GALNT15: variants seen among roughly 807,000 people sequenced by gnomAD.
GALNT15 encodes the protein UDP-GalNAc transferase T15.
GALNT15 carries 67 observed loss-of-function variants against 66.8 expected under a neutral mutation model. The observed-to-expected ratio is 1.00, with a 90% confidence interval of 0.82 to 1.23. The LOEUF (loss-of-function observed/expected upper bound fraction) is 1.23, where lower values mean the gene tolerates loss of function less well. Among genes scored for constraint, GALNT15 ranks in the 50% most tolerant of loss-of-function variants. The pLI is 0.00. For synonymous variants in GALNT15, 313 were observed against 311.5 expected, an observed-to-expected ratio of 1.00 and a Z score of -0.05; for missense variants, 827 against 804.3, an observed-to-expected ratio of 1.03 and a Z score of -0.34.
intron 3 of GALNT15, among the ~76,000 whole-genome samples, chr3:16,202,408 G>A (rs544168792): frequency 3.3e-5 from 5 of 152,264 alleles, no homozygotes; most frequent in South Asian, 2.1e-4. Context: ...CGAGGCAGAC[G>A]GATCACCTGA....
rs947102132 is a variant in GALNT15, at chr3:16,204,928, T to G, written c.912-3575T>G. ...GTGTAAGCATGTGAGAGTCTGAGTG[T>G]GGGGGGGAGCGAGCATGTGCGTGCG... On this transcript the variant is annotated intron_variant, in intron 3 of 9. Transcript: ENST00000339732. This position sits in a 1 kb window ranked among gnomAD's most constrained non-coding sequence, Gnocchi z 4.5. Among the ~76,000 whole-genome samples, 2 of 152,014 alleles carry G rather than the reference T, an allele frequency of 1.3e-5. No individual in the cohort carries two copies. The highest frequency in any genetic ancestry group is 2.9e-5 in the Non-Finnish European group (2 of 67,986).
chr3:16,199,562 C>T lies in GALNT15; in HGVS notation c.707-1057C>T, dbSNP rs937785205. The stretch of plus-strand genomic sequence containing the variant: ...AAGCAGGGCCTGAGATGGAGATTCA[C>T]GTGCATTTGATTTTTTTGAGGGTGT... On this transcript the variant is annotated intron_variant, in intron 2 of 9. Coordinates refer to ENST00000339732, the MANE Select transcript of GALNT15 (RefSeq NM_054110.5). Among the ~76,000 whole-genome samples, 14 of 142,050 alleles carry T rather than the reference C, an allele frequency of 9.9e-5. 1 individual carries two copies. Among genetic ancestry groups the T allele is most frequent in the African/African-American group, 3.1e-4 (12 of 38,096 alleles). 93.2% of individuals were successfully genotyped at this position (142,050 alleles called of 152,430 possible).
At position 16,200,736 on chromosome 3, in the gene GALNT15, C is replaced by T. The variant is rs1390528147; in HGVS notation, c.824C>T (p.Thr275Ile). The change falls in exon 3 of 10, where the codon ACC becomes ATC. Residue 275 changes from threonine (T) to isoleucine (I), a missense_variant. Transcript: ENST00000339732. This position sits in a 1 kb window ranked among gnomAD's most constrained non-coding sequence, Gnocchi z 4.4. ...RARMLGATRA[T>I]GDVLVFMDAH... ...CGGATGCTGGGGGCCACCAGAGCCA[C>T]CGGGGATGTGCTCGTCTTCATGGAT... 2 of 1,612,900 alleles carry T rather than the reference C, an allele frequency of 1.2e-6. No individual in the cohort carries two copies. Among genetic ancestry groups the T allele is most frequent in the East Asian group, 4.5e-5 (2 of 44,706 alleles).
chr3:16,231,845 C>A (rs776812878), downstream of GALNT15: 41 of 1,536,402 alleles, frequency 2.7e-5, no homozygotes, highest in South Asian at 4.3e-4. This position sits in a 1 kb window ranked among gnomAD's most constrained non-coding sequence, Gnocchi z 4.1. Context: ...AGGCCTTTAA[C>A]TTTTCAGCAG....
downstream of GALNT15, among the ~76,000 whole-genome samples, chr3:16,233,094 C>CCTTTTTTTTTTTT (rs2064099645): frequency 1.6e-5 from 1 of 61,208 alleles, no homozygotes; most frequent in Non-Finnish European, 3.0e-5. Context: ...GATAATGCAT[C>CCTTTTTTTTTTTT]TTTTTTTTTT....
chr3:16,229,529 C>T lies in GALNT15; in HGVS notation c.*2029C>T. On this transcript the variant is annotated 3_prime_UTR_variant, in exon 10 of 10. Coordinates refer to ENST00000339732, the MANE Select transcript of GALNT15 (RefSeq NM_054110.5). The stretch of plus-strand genomic sequence containing the variant: ...GACTTTAGTCACTGTCTTCTTGCTT[C>T]AGACCCATCTATATTTAAAACAAAT... The T allele has an allele frequency of 1.0e-6, 1 of 984,958 alleles. No individual in the cohort carries two copies. Among genetic ancestry groups the T allele is most frequent in the Non-Finnish European group, 1.2e-6 (1 of 829,508 alleles). 61.0% of individuals were successfully genotyped at this position (984,958 alleles called of 1,614,324 possible).
At chr3:16,222,840 C>A (rs1348840959) in intron 9 of GALNT15, 82 bp downstream of exon 9, 2 of 1,495,990 alleles carry the variant, frequency 1.3e-6, no homozygotes, top group African/African-American at 1.4e-5. Context: ...TGGGCTCTTC[C>A]AAGAGGTCAG....
Position 16,219,541 on chromosome 3 carries a change from C to T in GALNT15, c.1524+7C>T. ...GCCCAGTTTCTCTGGAAAGGCAAGG[C>T]ATGACCCAGGGAAGATGGGGAGGGA... On this transcript the variant is annotated splice_region_variant and intron_variant, in intron 7 of 9. Coordinates refer to ENST00000339732, the MANE Select transcript of GALNT15 (RefSeq NM_054110.5). This position sits in a 1 kb window ranked among gnomAD's most constrained non-coding sequence, Gnocchi z 4.3. 6.2e-7 allele frequency: 1 copy of T among 1,613,902 alleles called. No individual in the cohort carries two copies. Among genetic ancestry groups the T allele is most frequent in the Non-Finnish European group, 8.5e-7 (1 of 1,179,908 alleles).
chr3:16,222,505 C>G, intron 8 of GALNT15, 110 bp from the exon 9 acceptor site: 2 of 1,314,606 alleles, frequency 1.5e-6, no homozygotes, highest in Non-Finnish European at 2.1e-6. Context: ...CCGATAGAAT[C>G]TGAAGATTGC....
In GALNT15 at chr3:16,211,379, G is replaced by C; in HGVS notation, c.1197+138G>C. The stretch of plus-strand genomic sequence containing the variant: ...AATTATAAAGTCATTCCTGTGTTGT[G>C]TGTCAAACCTCCCATTTCTCACAGT... On this transcript the variant is annotated intron_variant, in intron 5 of 9. Coordinates refer to ENST00000339732, the MANE Select transcript of GALNT15 (RefSeq NM_054110.5). The surrounding 1 kb of genome is among the most constrained non-coding windows in gnomAD (Gnocchi z 4.3). 1 of 607,622 alleles carries C rather than the reference G, an allele frequency of 1.6e-6. No individual in the cohort carries two copies. Among genetic ancestry groups the C allele is most frequent in the Non-Finnish European group, 3.0e-6 (1 of 338,332 alleles). 37.6% of individuals were successfully genotyped at this position (607,622 alleles called of 1,614,324 possible). A position where few individuals can be genotyped will look rare whatever the true frequency, so the allele number is the denominator to read the frequency against.
At position 16,200,732 on chromosome 3, in the gene GALNT15, G is replaced by A. The variant is rs777114326; in HGVS notation, c.820G>A (p.Ala274Thr). 1.9e-6 allele frequency: 3 copies of A among 1,612,616 alleles called. No individual in the cohort carries two copies. In the South Asian group the frequency reaches 3.3e-5, roughly 18 times the overall value. Residue 274 changes from alanine (A) to threonine (T), a missense_variant, in exon 3 of 10, where the codon GCC (alanine) becomes ACC (threonine). Physicochemically the swap from Ala to Thr is moderately conservative, Grantham distance 58. Transcript: ENST00000339732. This position sits in a 1 kb window ranked among gnomAD's most constrained non-coding sequence, Gnocchi z 4.4. ...GGCCCGGATGCTGGGGGCCACCAGA[G>A]CCACCGGGGATGTGCTCGTCTTCAT... ...IRARMLGATR[A>T]TGDVLVFMDA...
chr3:16,208,269 C>T (rs1211707794), intron 3 of GALNT15, among the ~76,000 whole-genome samples: 2 of 152,040 alleles, frequency 1.3e-5, no homozygotes, highest in Non-Finnish European at 2.9e-5. Flanking sequence ...AAAATATTAC[C>T]ATTTCAACAT....
rs1347820053 is a variant in GALNT15, at chr3:16,200,745, T to C, written c.833T>C (p.Val278Ala). ...MLGATRATGD[V>A]LVFMDAHCEC... is the part of the protein sequence containing the mutation. Reference sequence around the variant, plus strand: ...GGGGCCACCAGAGCCACCGGGGATGTGCTCGTCTTCATGGATGCCCACTGC... The same window carrying C: ...GGGGCCACCAGAGCCACCGGGGATGCGCTCGTCTTCATGGATGCCCACTGC... The change falls in exon 3 of 10, where the codon GTG becomes GCG. Residue 278 changes from valine (V) to alanine (A), a missense_variant. Coordinates refer to ENST00000339732, the MANE Select transcript of GALNT15 (RefSeq NM_054110.5). This position sits in a 1 kb window ranked among gnomAD's most constrained non-coding sequence, Gnocchi z 4.4. 6.2e-7 allele frequency: 1 copy of C among 1,613,048 alleles called. No individual in the cohort carries two copies. Among genetic ancestry groups the C allele is most frequent in the Admixed American group, 1.7e-5 (1 of 59,884 alleles).
chr3:16,232,378 C>A (rs1213262547), downstream of GALNT15, among the ~76,000 whole-genome samples: 2 of 148,810 alleles, frequency 1.3e-5, no homozygotes, highest in Admixed American at 1.4e-4. Context: ...TCAGGCTGAG[C>A]AACATAGTAA....
rs200199776 is a variant in GALNT15, at chr3:16,195,934, C to A, written c.706+8C>A. ...ACGACCTCAGCCAGCAAGGTAGCCA[C>A]GGCTTTCCTCCAGGCTCGTCTGGGT... On this transcript the variant is annotated splice_region_variant and intron_variant, in intron 2 of 9. Transcript: ENST00000339732. The surrounding 1 kb of genome is among the most constrained non-coding windows in gnomAD (Gnocchi z 4.6). 6.8e-6 allele frequency: 11 copies of A among 1,613,842 alleles called. No homozygotes were observed. The East Asian group carries it at 2.5e-4, about 36-fold the overall frequency.
rs1247768068 is a variant in GALNT15, at chr3:16,198,500, G to A, written c.707-2119G>A. On this transcript the variant is annotated intron_variant, in intron 2 of 9. Coordinates refer to ENST00000339732, the MANE Select transcript of GALNT15 (RefSeq NM_054110.5). ...ACATCAAAGTTCTGTCAGTACAGTGGAAGGGGAGAATGAATGGTGAGGAAG... is the reference window on the plus strand; with the variant it reads ...ACATCAAAGTTCTGTCAGTACAGTGAAAGGGGAGAATGAATGGTGAGGAAG... 3.5e-5 allele frequency among the ~76,000 whole-genome samples: 5 copies of A among 141,512 alleles called. 1 individual carries two copies. The East Asian group carries it at 1.1e-3, about 30-fold the overall frequency. The allele number at this position is 141,512 out of a possible 152,430, so 92.8% of individuals were successfully genotyped here. A position where few individuals can be genotyped will look rare whatever the true frequency, so the allele number is the denominator to read the frequency against.
In GALNT15 at chr3:16,187,079, C is replaced by T. The variant is rs1037343835; in HGVS notation, c.540-8681C>T. On this transcript the variant is annotated intron_variant, in intron 1 of 9. Transcript: ENST00000339732. The surrounding 1 kb of genome is among the most constrained non-coding windows in gnomAD (Gnocchi z 5.1). ...AGGAGTTCAAGACCAGCCTGACCAA[C>T]ATGGTGAAACCCCGTCTCTACAAAA... is the stretch of plus-strand genomic sequence containing the variant. Among the ~76,000 whole-genome samples the T allele has an allele frequency of 6.6e-6, 1 of 152,112 alleles. No homozygotes were observed. Among genetic ancestry groups the T allele is most frequent in the Non-Finnish European group, 1.5e-5 (1 of 68,028 alleles).
In GALNT15 at chr3:16,175,702, C is replaced by T; in HGVS notation, c.539+12C>T. On this transcript the variant is annotated intron_variant, in intron 1 of 9. Coordinates refer to ENST00000339732, the MANE Select transcript of GALNT15 (RefSeq NM_054110.5). This position sits in a 1 kb window ranked among gnomAD's most constrained non-coding sequence, Gnocchi z 5.6. ...GTGCGGCACCCACTGTAAGTAAGGC[C>T]CTTGTTTTCCCTTCCCTGATCCCAG... 6.5e-7 allele frequency: 1 copy of T among 1,546,590 alleles called. No individual in the cohort carries two copies. The highest frequency in any genetic ancestry group is 1.2e-5 in the South Asian group (1 of 82,280).
downstream of GALNT15, among the ~76,000 whole-genome samples, chr3:16,233,440 A>G (rs1371884068): frequency 6.6e-6 from 1 of 151,864 alleles, no homozygotes; most frequent in Non-Finnish European, 1.5e-5. Context: ...TTGTTAATTC[A>G]TTTTCTTCTT....
Sources: gnomAD v4.1 joint callset for allele counts (sites outside exome capture counted in the v4.1 genomes callset) on GRCh38, gnomAD v4.1.1 for gene constraint, Gnocchi (gnomAD v3.1) non-coding constraint, MANE v1.5 for transcripts, NCBI Gene and HGNC (gene_info 2026-07-23, HGNC 2026-07-21) for gene names.